MZF1: variants seen among roughly 807,000 people sequenced by gnomAD.
MZF1 encodes myeloid zinc finger 1, also known as zinc finger and SCAN domain-containing protein 6.
In MZF1, 24 loss-of-function variants were observed where a neutral mutation model predicts 28.6. That is an observed-to-expected ratio of 0.84 (90% confidence interval 0.61 to 1.18). The LOEUF is 1.18. Ranked by LOEUF, MZF1 falls within the 50% of genes most tolerant of loss-of-function variation. The pLI, the probability that MZF1 is intolerant of heterozygous loss-of-function variation, is 0.00. For synonymous variants in MZF1, 516 were observed against 432.5 expected (o/e 1.19, Z -2.40); for missense variants, 1,166 against 1,026.4 (o/e 1.14, Z -1.86).
At chr19:58,563,547 C>T in intron 5 of MZF1, 43 bp from the exon 6 acceptor site, 3 of 1,451,954 alleles carry the variant, frequency 2.1e-6, no homozygotes, top group South Asian at 1.4e-5. Flanking sequence ...AGAATGCCCA[C>T]CGTGCCGGGA....
chr19:58,563,091 T>A lies in MZF1; in HGVS notation c.1186A>T (p.Ser396Cys), dbSNP rs1301509948. The A allele has an allele frequency of 3.1e-6, 5 of 1,604,272 alleles. No individual in the cohort carries two copies. The East Asian group carries it at 8.9e-5, about 29-fold the overall frequency. The change falls in exon 6 of 6, where the codon AGC (serine) becomes TGC (cysteine). Residue 396 changes from serine (S) to cysteine (C), a missense_variant. By Grantham distance (112) the Ser-to-Cys change is moderately radical. Transcript: ENST00000215057. ...CSECGRSFSRSSHLLRHQLTH... is the reference protein window; with the variant it reads ...CSECGRSFSRCSHLLRHQLTH... ...AGCTGGTGGCGCAGCAGGTGCGAGC[T>A]GCGGCTGAAGCTGCGGCCGCACTCG...
chr19:58,563,714 G>A (rs2053984607), intron 5 of MZF1: 1 of 497,812 alleles, frequency 2.0e-6, no homozygotes, highest in African/African-American at 2.0e-5. Flanking sequence ...GAGGAAGACT[G>A]GGCTATGTGA....
chr19:58,565,514 G>C (rs1293631631), intron 5 of MZF1, among the ~76,000 whole-genome samples: 1 of 151,436 alleles, frequency 6.6e-6, no homozygotes, highest in Non-Finnish European at 1.5e-5. Flanking sequence ...ACAGGTGTGA[G>C]CCACCACGCC....
rs764043162 is a variant in MZF1, at chr19:58,563,071, G to A, written c.1206C>T (p.His402=). 12 of 1,603,552 alleles carry A rather than the reference G, an allele frequency of 7.5e-6. No homozygotes were observed. The highest frequency in any genetic ancestry group is 1.7e-4 in the Middle Eastern group (1 of 6,000). Residue 402 remains histidine, a synonymous_variant, in exon 6 of 6, where the codon CAC becomes CAT. Transcript: ENST00000215057. ...SFSRSSHLLR[H]QLTHTEERPF... ...GCCGCTCCTCGGTGTGCGTAAGCTG[G>A]TGGCGCAGCAGGTGCGAGCTGCGGC... is the stretch of plus-strand genomic sequence containing the variant.
Position 58,569,284 on chromosome 19 carries a change from G to A in MZF1, c.765C>T (p.Phe255=). 1 of 1,602,680 alleles carries A rather than the reference G, an allele frequency of 6.2e-7. No homozygotes were observed. Among genetic ancestry groups the A allele is most frequent in the Non-Finnish European group, 8.5e-7 (1 of 1,174,936 alleles). ...ACACCCCATCTCACTTACCTGGGGA[G>A]AAGATGCCCCCAGCTTCCTCATGCC... ...ALWHEEAGGI[F]SPGFALQLGS... The change falls in exon 5 of 6, where the codon TTC becomes TTT. Residue 255 remains phenylalanine, a synonymous_variant. Coordinates refer to ENST00000215057, the MANE Select transcript of MZF1 (RefSeq NM_198055.2).
chr19:58,571,919 C>T (rs2054171247), intron 1 of MZF1: 1 of 159,552 alleles, frequency 6.3e-6, no homozygotes, highest in South Asian at 1.6e-4. Flanking sequence ...GCAGATGATC[C>T]TCTTACCTTG....
intron 1 of MZF1, among the ~76,000 whole-genome samples, chr19:58,572,277 C>T (rs1469280698): frequency 6.6e-6 from 1 of 152,146 alleles, no homozygotes; most frequent in Non-Finnish European, 1.5e-5. Context: ...TGTGCAGTCA[C>T]TTGTATGGCT....
Position 58,562,456 on chromosome 19 carries a change from G to A in MZF1, c.1821C>T (p.Ser607=). The stretch of plus-strand genomic sequence containing the variant: ...GATGACGCGTGAGCTTGAGGCGCTG[G>A]CTGAAGCGCTGGCCACACTCGGGGC... ...FACPECGQRF[S]QRLKLTRHQR... is the part of the protein sequence containing the mutation. The change falls in exon 6 of 6, where the codon AGC becomes AGT. Residue 607 remains serine, a synonymous_variant. Coordinates refer to ENST00000215057, the MANE Select transcript of MZF1 (RefSeq NM_198055.2). 2 of 1,610,794 alleles carry A rather than the reference G, an allele frequency of 1.2e-6. No individual in the cohort carries two copies. The highest frequency in any genetic ancestry group is 1.7e-6 in the Non-Finnish European group (2 of 1,179,210).
chr19:58,562,611 G>T lies in MZF1; in HGVS notation c.1666C>A (p.Leu556Met). Residue 556 changes from leucine to methionine, a missense_variant, in exon 6 of 6, where the codon CTG becomes ATG. Coordinates refer to ENST00000215057, the MANE Select transcript of MZF1 (RefSeq NM_198055.2). ...GTGTGGATGCGCCGGTGCTGCGTCA[G>T]GTTGGAGCGCTGCCGGAAGCTCTGG... Reference protein sequence around the residue: ...CGQSFRQRSNLTQHRRIHTGE... With the variant: ...CGQSFRQRSNMTQHRRIHTGE... The T allele has an allele frequency of 6.3e-7, 1 of 1,576,724 alleles. No homozygotes were observed.
intron 5 of MZF1, chr19:58,568,018 C>G (rs1245379719): frequency 2.0e-5 from 3 of 152,186 alleles, no homozygotes; most frequent in African/African-American, 7.2e-5. Flanking sequence ...GGGAGCATCA[C>G]TTGAAGCCAG....
Position 58,573,185 on chromosome 19 carries a change from G to A in MZF1, c.-171C>T, listed in dbSNP as rs965809279. On this transcript the variant is annotated 5_prime_UTR_variant, in exon 1 of 6. In the 5' UTR this introduces an upstream ATG that the reference lacks. Transcript: ENST00000215057. ...GCCTCCTTGCCCTTCCCCCACCCTCGTCCCCGTTTCTACACCCTCTCCTCC... is the reference window on the plus strand; with the variant it reads ...GCCTCCTTGCCCTTCCCCCACCCTCATCCCCGTTTCTACACCCTCTCCTCC... 1.3e-5 allele frequency: 2 copies of A among 151,896 alleles called. No homozygotes were observed. The highest frequency in any genetic ancestry group is 4.9e-5 in the African/African-American group (2 of 40,850). 9.4% of individuals were successfully genotyped at this position (151,896 alleles called of 1,614,324 possible).
intron 5 of MZF1, among the ~76,000 whole-genome samples, chr19:58,565,197 C>T (rs532634145): frequency 1.3e-5 from 2 of 151,600 alleles, no homozygotes; most frequent in African/African-American, 2.4e-5. Context: ...TGGGTTCAAG[C>T]GGTTCTTCTG....
chr19:58,567,198 G>A (rs2054074750), intron 5 of MZF1, among the ~76,000 whole-genome samples: 1 of 152,206 alleles, frequency 6.6e-6, no homozygotes, highest in Non-Finnish European at 1.5e-5. Context: ...ATGAGCGGCT[G>A]CGCCTGGCTA....
At chr19:58,572,753 G>A (rs1448051586) in intron 1 of MZF1, 3 of 592,388 alleles carry the variant, frequency 5.1e-6, no homozygotes, top group South Asian at 3.3e-5. Flanking sequence ...CAAGATGGCA[G>A]GTACCTACGG....
Position 58,571,321 on chromosome 19 carries a change from C to T in MZF1, c.69G>A (p.Lys23=), listed in dbSNP as rs763860713. 1.2e-6 allele frequency: 2 copies of T among 1,614,226 alleles called. No homozygotes were observed. Among genetic ancestry groups the T allele is most frequent in the South Asian group, 1.1e-5 (1 of 91,092 alleles). ...PPEDEGPVMV[K]LEDSEEEGEA... is the part of the protein sequence containing the mutation. ...CACCCTCCTCCTCAGAGTCCTCTAG[C>T]TTCACCATGACAGGCCCCTCATCTT... Residue 23 remains lysine, a synonymous_variant, in exon 2 of 6, where the codon AAG becomes AAA. Coordinates refer to ENST00000215057, the MANE Select transcript of MZF1 (RefSeq NM_198055.2).
chr19:58,569,040 G>C (rs568847142), intron 5 of MZF1: 483 of 461,728 alleles, frequency 1.0e-3, no homozygotes, highest in Non-Finnish European at 1.6e-3. Context: ...GGTTTTACTA[G>C]GGTGGGGAGT....
Position 58,562,458 on chromosome 19 carries a change from TGAAGCGCTGGCC to T in MZF1, c.1807_1818del (p.Gly603_Phe606del). ...TGACGCGTGAGCTTGAGGCGCTGGC[TGAAGCGCTGGCC>T]ACACTCGGGGCAGGCAAAGGGTTTC... is the stretch of plus-strand genomic sequence containing the variant. On this transcript the variant is annotated inframe_deletion, in exon 6 of 6. Coordinates refer to ENST00000215057, the MANE Select transcript of MZF1 (RefSeq NM_198055.2). The T allele has an allele frequency of 6.2e-7, 1 of 1,600,220 alleles. No homozygotes were observed. Among genetic ancestry groups the T allele is most frequent in the Non-Finnish European group, 8.5e-7 (1 of 1,175,958 alleles).
Position 58,571,389 on chromosome 19 carries a change from T to TA in MZF1, c.-1dup, listed in dbSNP as rs1196709951. 2 of 1,613,854 alleles carry TA rather than the reference T, an allele frequency of 1.2e-6. No homozygotes were observed. The highest frequency in any genetic ancestry group is 2.7e-5 in the African/African-American group (2 of 74,898). ...GGGGAGCCCAGCACCGCAGGCCTCATAGAGGGTACCAGGTCAGGTATCTGA... is the reference window on the plus strand; with the variant it reads ...GGGGAGCCCAGCACCGCAGGCCTCATAAGAGGGTACCAGGTCAGGTATCTGA... On this transcript the variant is annotated 5_prime_UTR_variant, in exon 2 of 6. Coordinates refer to ENST00000215057, the MANE Select transcript of MZF1 (RefSeq NM_198055.2).
At chr19:58,569,045 G>C (rs774204685) in intron 5 of MZF1, 91 of 474,198 alleles carry the variant, frequency 1.9e-4, no homozygotes, top group Non-Finnish European at 2.9e-4. Context: ...TACTAGGGTG[G>C]GGAGTTTCTA....
Sources: allele counts gnomAD v4.1 joint callset (sites outside exome capture counted in the v4.1 genomes callset), GRCh38; gene constraint gnomAD v4.1.1; transcripts MANE v1.5; gene names NCBI Gene and HGNC (gene_info 2026-07-23, HGNC 2026-07-21).